Variants in SNX24 observed in about 807,000 individuals in gnomAD.
SNX24 encodes sorting nexin 24.
In SNX24, 22 loss-of-function variants were observed where a neutral mutation model predicts 28.7. The ratio of observed to expected loss-of-function variants is 0.77; its 90% CI spans 0.55 to 1.10. SNX24 has a LOEUF of 1.10. Among genes scored for constraint, SNX24 ranks in the 50% least tolerant of loss-of-function variants. The pLI is 0.00. For missense variants in SNX24, 221 were observed against 201.1 expected (o/e 1.10, Z -0.60); for synonymous variants, 69 against 71.5 (o/e 0.96, Z 0.18).
intron 1 of SNX24, among the ~76,000 whole-genome samples, chr5:122,906,839 G>A (rs1044760427): frequency 1.3e-5 from 2 of 152,200 alleles, no homozygotes; most frequent in African/African-American, 4.8e-5. Context: ...TGAGAGGACA[G>A]TGAGGCACAC....
At chr5:122,850,384 G>A (rs1754855251) in intron 1 of SNX24, among the ~76,000 whole-genome samples, 1 of 152,150 alleles carries the variant, frequency 6.6e-6, no homozygotes. Context: ...CTTCCCAGAG[G>A]CCTTACCATC....
chr5:122,996,258 C>T (rs1025160690), intron 3 of SNX24, among the ~76,000 whole-genome samples: 23 of 152,148 alleles, frequency 1.5e-4, no homozygotes, highest in Non-Finnish European at 2.8e-4. Context: ...AGAAGGCCAG[C>T]GTGTCCTTTG....
Position 123,001,430 on chromosome 5 carries a change from G to T in SNX24, c.370G>T (p.Glu124Ter). ...ATCTTTTGATGAAACAGAGTCTGAAGAGTCAAGGTAAGGACTAATCCTCAT... is the reference window on the plus strand; with the variant it reads ...ATCTTTTGATGAAACAGAGTCTGAATAGTCAAGGTAAGGACTAATCCTCAT... ...CGSFDETESE[E>*]SSKLSHQPVL... The change falls in exon 5 of 7, where the codon GAG becomes TAG. Residue 124 changes from glutamate (E) to a stop codon, truncating the protein, a stop_gained. Coordinates refer to ENST00000261369, the MANE Select transcript of SNX24 (RefSeq NM_014035.4). LOFTEE classifies it high-confidence loss of function. 6.2e-7 allele frequency: 1 copy of T among 1,605,942 alleles called. No individual in the cohort carries two copies. The highest frequency in any genetic ancestry group is 8.5e-7 in the Non-Finnish European group (1 of 1,173,534).
chr5:122,850,261 C>G (rs1754832929), intron 1 of SNX24, among the ~76,000 whole-genome samples: 2 of 152,120 alleles, frequency 1.3e-5, no homozygotes, highest in African/African-American at 4.8e-5. Context: ...GGGTCCATTT[C>G]CAGGTTTGTA....
chr5:122,996,540 CA>C (rs1762059216), intron 3 of SNX24, among the ~76,000 whole-genome samples: 1 of 152,142 alleles, frequency 6.6e-6, no homozygotes, highest in Non-Finnish European at 1.5e-5. Flanking sequence ...AACAATTATC[CA>C]AACTTCAAAA....
At chr5:123,023,807 AAC>A (rs70988555) in intron 5 of SNX24, 70,597 of 1,273,926 alleles carry the variant, frequency 0.055, 169 homozygotes, top group East Asian at 0.11. Flanking sequence ...AAGACAACAC[AAC>A]ACACACACAC....
chr5:122,893,598 ATC>A (rs775505556), intron 1 of SNX24, among the ~76,000 whole-genome samples: 9 of 152,202 alleles, frequency 5.9e-5, no homozygotes, highest in Admixed American at 2.0e-4. Flanking sequence ...TTCATTTTGT[ATC>A]TCTTTTTCCC....
chr5:123,012,200 A>G (rs1263040106), downstream of SNX24, among the ~76,000 whole-genome samples: 1 of 152,196 alleles, frequency 6.6e-6, no homozygotes, highest in African/African-American at 2.4e-5. Context: ...TCTTTCCTTT[A>G]TAAATTACCC....
chr5:122,892,649 G>C (rs71594314), intron 1 of SNX24, among the ~76,000 whole-genome samples: 1 of 151,896 alleles, frequency 6.6e-6, no homozygotes, highest in Non-Finnish European at 1.5e-5. Context: ...TGTTGGCCAG[G>C]CTGCTCTTGA....
intron 6 of SNX24, among the ~76,000 whole-genome samples, chr5:123,006,624 A>G (rs1581859735): frequency 6.6e-6 from 1 of 152,180 alleles, no homozygotes; most frequent in Non-Finnish European, 1.5e-5. Flanking sequence ...CCAAACTCCT[A>G]TCCATTCTTC....
chr5:123,003,806 A>T (rs1018101614), intron 6 of SNX24, among the ~76,000 whole-genome samples: 25 of 152,210 alleles, frequency 1.6e-4, no homozygotes, highest in Admixed American at 3.3e-4. Flanking sequence ...GGTAATATGG[A>T]TGAAGACTTG....
downstream of SNX24, among the ~76,000 whole-genome samples, chr5:123,012,352 A>G (rs1172094143): frequency 6.6e-6 from 1 of 152,236 alleles, no homozygotes; most frequent in Admixed American, 6.5e-5. Context: ...AAATTCTGAC[A>G]CATGCTGCAA....
At chr5:122,855,890 G>T (rs558068549) in intron 1 of SNX24, among the ~76,000 whole-genome samples, 85 of 152,288 alleles carry the variant, frequency 5.6e-4, no homozygotes, top group African/African-American at 1.7e-3. Flanking sequence ...CTAAGGAGAG[G>T]GAGAGAGACA....
intron 3 of SNX24, among the ~76,000 whole-genome samples, chr5:122,974,098 G>A (rs1761068095): frequency 6.6e-6 from 1 of 152,152 alleles, no homozygotes. Context: ...GGTCCACTAG[G>A]CATTGTGCCT....
chr5:122,972,997 T>C (rs1382156628), intron 3 of SNX24, among the ~76,000 whole-genome samples: 2 of 152,194 alleles, frequency 1.3e-5, no homozygotes, highest in African/African-American at 4.8e-5. Flanking sequence ...CATGGGCCCA[T>C]TGGGCAATGA....
At chr5:123,006,230 A>G (rs762464108) in intron 6 of SNX24, among the ~76,000 whole-genome samples, 1 of 152,204 alleles carries the variant, frequency 6.6e-6, no homozygotes, top group African/African-American at 2.4e-5. Context: ...CTCAAACACA[A>G]GTTCCAGACA....
intron 2 of SNX24, among the ~76,000 whole-genome samples, chr5:122,940,450 A>G (rs142054755): frequency 3.3e-5 from 5 of 152,320 alleles, no homozygotes; most frequent in African/African-American, 1.2e-4. Context: ...AAATACACTG[A>G]AACGGGTCTC....
chr5:122,881,779 T>A (rs768999978), intron 1 of SNX24, among the ~76,000 whole-genome samples: 24 of 150,134 alleles, frequency 1.6e-4, no homozygotes, highest in Non-Finnish European at 1.8e-4. Context: ...ATGATAAATA[T>A]AAGTATCTTT....
chr5:123,024,317 C>G (rs1762818634), intron 5 of SNX24, among the ~76,000 whole-genome samples: 1 of 152,136 alleles, frequency 6.6e-6, no homozygotes, highest in African/African-American at 2.4e-5. Flanking sequence ...TGTAAACACC[C>G]AGCTCTAGTA....
Sources: allele counts gnomAD v4.1 joint callset (sites outside exome capture counted in the v4.1 genomes callset), GRCh38; gene constraint gnomAD v4.1.1; transcripts MANE v1.5; gene names NCBI Gene and HGNC (gene_info 2026-07-23, HGNC 2026-07-21).